The following SLC8A1 variants were observed in gnomAD, a reference collection of about 807,000 sequenced individuals.
The protein encoded by SLC8A1 is solute carrier family 8 member A1, also known as sodium/calcium exchanger 1.
In SLC8A1, 18 loss-of-function variants were observed where a neutral mutation model predicts 68.3. The observed-to-expected ratio is 0.26, with a 90% confidence interval of 0.18 to 0.39. The LOEUF is 0.39. Ranked by LOEUF, SLC8A1 falls within the 10% of genes least tolerant of loss-of-function variation. The probability of loss-of-function intolerance (pLI) is 1.00; values close to 1 mark genes in which losing one functional copy is unlikely to be tolerated. For synonymous variants in SLC8A1, 475 were observed against 415.5 expected (o/e 1.14, Z -1.74); for missense variants, 985 against 1,156.7 (o/e 0.85, Z 2.15).
intron 2 of SLC8A1, among the ~76,000 whole-genome samples, chr2:40,358,185 T>C (rs1318956888): frequency 1.3e-5 from 2 of 151,998 alleles, no homozygotes; most frequent in African/African-American, 4.8e-5. Flanking sequence ...TCATTATTCA[T>C]TCAAGAAAAA....
intron 2 of SLC8A1, chr2:40,209,312 G>C (rs1227834985): frequency 6.6e-6 from 1 of 152,218 alleles, no homozygotes; most frequent in Non-Finnish European, 1.5e-5. Context: ...CAGGGGCAAA[G>C]ACAGTCCAGA....
Position 40,436,831 on chromosome 2 carries a change from T to C in SLC8A1, c.-24-6527A>G, listed in dbSNP as rs1378888047. Among the ~76,000 whole-genome samples the C allele has an allele frequency of 2.6e-5, 4 of 152,076 alleles. No individual in the cohort carries two copies. In the East Asian group the frequency reaches 5.8e-4, roughly 22 times the overall value. On this transcript the variant is annotated intron_variant, in intron 1 of 7. Transcript: ENST00000406785. ...TCAATAGAAAATAAATAAAAAAGAA[T>C]GTAGAAGGAAGATGCTCTGATAATC...
chr2:40,268,386 C>A (rs571545045), intron 2 of SLC8A1, among the ~76,000 whole-genome samples: 3 of 152,284 alleles, frequency 2.0e-5, no homozygotes, highest in African/African-American at 7.2e-5. Flanking sequence ...AAACATTGAA[C>A]TAGGTAGAGT....
At chr2:40,445,793 G>A (rs898988069) in intron 1 of SLC8A1, among the ~76,000 whole-genome samples, 2 of 152,122 alleles carry the variant, frequency 1.3e-5, no homozygotes, top group African/African-American at 4.8e-5. Flanking sequence ...GCTTTGAAGG[G>A]TCCATATCCC....
chr2:40,467,720 C>G (rs1373942093), intron 1 of SLC8A1, among the ~76,000 whole-genome samples: 1 of 152,110 alleles, frequency 6.6e-6, no homozygotes, highest in African/African-American at 2.4e-5. Flanking sequence ...TTAATTTCCT[C>G]TTTTCCCAAA....
At chr2:40,385,098 C>T (rs746200700) in intron 2 of SLC8A1, among the ~76,000 whole-genome samples, 11 of 152,008 alleles carry the variant, frequency 7.2e-5, no homozygotes, top group Admixed American at 6.6e-4. Flanking sequence ...AAATTCAACT[C>T]TTATAGTACT....
At chr2:40,452,968 G>A (rs994881810), upstream of SLC8A1, among the ~76,000 whole-genome samples, 5 of 152,114 alleles carry the variant, frequency 3.3e-5, no homozygotes, top group African/African-American at 1.2e-4. Flanking sequence ...ACCATTCTTT[G>A]CCCTTTCCAA....
intron 2 of SLC8A1, among the ~76,000 whole-genome samples, chr2:40,351,465 C>G (rs868594967): frequency 2.0e-5 from 3 of 152,056 alleles, no homozygotes; most frequent in Middle Eastern, 3.4e-3. Flanking sequence ...ACTACTTTTT[C>G]CACAGAGACT....
At chr2:40,490,554 T>A (rs1705247496) in intron 1 of SLC8A1, among the ~76,000 whole-genome samples, 1 of 152,124 alleles carries the variant, frequency 6.6e-6, no homozygotes, top group Admixed American at 6.6e-5. Flanking sequence ...ACTAAATGAA[T>A]CTTATATACA....
chr2:40,340,050 A>C (rs969244405), intron 2 of SLC8A1, among the ~76,000 whole-genome samples: 9 of 152,190 alleles, frequency 5.9e-5, no homozygotes, highest in African/African-American at 2.2e-4. Flanking sequence ...AAATGTTCAT[A>C]TGCAAAAAAA....
chr2:40,161,321 T>G (rs1165894390), intron 5 of SLC8A1, among the ~76,000 whole-genome samples: 2 of 152,206 alleles, frequency 1.3e-5, no homozygotes, highest in African/African-American at 4.8e-5. Flanking sequence ...ATCAATGAAA[T>G]GTAGCCAGAT....
chr2:40,336,262 G>T (rs754535778), intron 2 of SLC8A1, among the ~76,000 whole-genome samples: 2 of 152,136 alleles, frequency 1.3e-5, no homozygotes, highest in Non-Finnish European at 2.9e-5. Context: ...TCACTTGAAG[G>T]TGGGAAACAT....
chr2:40,188,402 A>G (rs2051101850), intron 2 of SLC8A1, among the ~76,000 whole-genome samples: 1 of 152,234 alleles, frequency 6.6e-6, no homozygotes, highest in African/African-American at 2.4e-5. Context: ...TAGAAAGATC[A>G]GTTCTCCATT....
chr2:40,285,524 C>T, intron 2 of SLC8A1, among the ~76,000 whole-genome samples: 1 of 152,160 alleles, frequency 6.6e-6, no homozygotes, highest in East Asian at 1.9e-4. Context: ...TGTCACCCCA[C>T]AAATGCTGAG....
intron 2 of SLC8A1, among the ~76,000 whole-genome samples, chr2:40,388,110 T>G (rs186823889): frequency 6.6e-6 from 1 of 152,184 alleles, no homozygotes; most frequent in East Asian, 1.9e-4. Flanking sequence ...ATGTTCCCAC[T>G]TAAGCCAAAT....
At chr2:40,241,967 CCAAG>C (rs2061280788) in intron 2 of SLC8A1, among the ~76,000 whole-genome samples, 1 of 152,026 alleles carries the variant, frequency 6.6e-6, no homozygotes, top group South Asian at 2.1e-4. Context: ...AATTCCTAAT[CCAAG>C]CAGTGTTCCA....
intron 1 of SLC8A1, among the ~76,000 whole-genome samples, chr2:40,497,452 G>A (rs1232413907): frequency 6.6e-6 from 1 of 152,032 alleles, no homozygotes; most frequent in Admixed American, 6.6e-5. Flanking sequence ...TACCATTACA[G>A]AGATATCCAC....
At position 40,488,765 on chromosome 2, in the gene SLC8A1, C is replaced by T. The variant is rs115103084; in HGVS notation, c.-25+23584G>A. ...GTTAATATTATATGCAATTTGATTT[C>T]TTTGCTTGTCTGAGATTTTTCAGGA... On this transcript the variant is annotated intron_variant, in intron 1 of 7. Transcript: ENST00000402441. Among the ~76,000 whole-genome samples the T allele has an allele frequency of 3.6e-3, 552 of 152,074 alleles. 4 individuals are homozygous for T. The highest frequency in any genetic ancestry group is 0.013 in the African/African-American group (524 of 41,486).
chr2:40,436,789 G>A (rs966867434), intron 1 of SLC8A1, among the ~76,000 whole-genome samples: 1 of 151,984 alleles, frequency 6.6e-6, no homozygotes, highest in Non-Finnish European at 1.5e-5. Context: ...AAAGAAAGCT[G>A]GAGAAGAGAG....
Sources: allele counts gnomAD v4.1 joint callset (sites outside exome capture counted in the v4.1 genomes callset), GRCh38; gene constraint gnomAD v4.1.1; transcripts MANE v1.5; gene names NCBI Gene and HGNC (gene_info 2026-07-23, HGNC 2026-07-21).